Variants in SDC2 observed in about 807,000 individuals in gnomAD.
SDC2 encodes syndecan 2.
Under a neutral mutation model 22.2 loss-of-function variants are expected in SDC2, and 13 were observed. The observed-to-expected ratio is 0.59, with a 90% CI of 0.38 to 0.93. The LOEUF is 0.93. Ranked by LOEUF, SDC2 falls within the 40% of genes least tolerant of loss-of-function variation. SDC2 has a pLI of 0.00. For missense variants in SDC2, 235 were observed against 246.8 expected, an observed-to-expected ratio of 0.95 and a Z score of 0.32; for synonymous variants, 94 against 92.8, an observed-to-expected ratio of 1.01 and a Z score of -0.07.
intron 1 of SDC2, among the ~76,000 whole-genome samples, chr8:96,519,731 G>T (rs896036248): frequency 8.6e-5 from 13 of 151,968 alleles, no homozygotes; most frequent in African/African-American, 2.9e-4. Flanking sequence ...CTCCTCCCGG[G>T]TTCAAGCGAT....
intron 1 of SDC2, among the ~76,000 whole-genome samples, chr8:96,526,166 A>G (rs541905388): frequency 1.3e-5 from 2 of 152,342 alleles, no homozygotes; most frequent in South Asian, 4.1e-4. Flanking sequence ...GGGCCTCCCC[A>G]AAGTGGCTTT....
Position 96,494,240 on chromosome 8 carries a change from C to A in SDC2, c.-32C>A. ...GGCTTCGTTTTGCCCTGGTTGCAAGCAGCGGCTGGGAGCAGCCGGTCCCTG... is the reference window on the plus strand; with the variant it reads ...GGCTTCGTTTTGCCCTGGTTGCAAGAAGCGGCTGGGAGCAGCCGGTCCCTG... On this transcript the variant is annotated 5_prime_UTR_variant, in exon 1 of 5. Coordinates refer to ENST00000302190, the MANE Select transcript of SDC2 (RefSeq NM_002998.4). 2 of 1,540,096 alleles carry A rather than the reference C, an allele frequency of 1.3e-6. No homozygotes were observed. Among genetic ancestry groups the A allele is most frequent in the Non-Finnish European group, 8.7e-7 (1 of 1,145,856 alleles).
At chr8:96,532,729 TAG>T (rs937758528) in intron 1 of SDC2, among the ~76,000 whole-genome samples, 6 of 152,084 alleles carry the variant, frequency 3.9e-5, no homozygotes, top group African/African-American at 1.4e-4. Flanking sequence ...GTGCAGCCCC[TAG>T]CCCGCACTTA....
rs563451451 is a variant in SDC2 at position 96,609,738 on chromosome 8, T to C, written c.*190T>C. 2 of 424,524 alleles carry C rather than the reference T, an allele frequency of 4.7e-6. No individual in the cohort carries two copies. Among genetic ancestry groups the C allele is most frequent in the East Asian group, 7.2e-5 (2 of 27,856 alleles). 26.3% of individuals were successfully genotyped at this position (424,524 alleles called of 1,614,324 possible). On this transcript the variant is annotated 3_prime_UTR_variant, in exon 5 of 5. Coordinates refer to ENST00000302190, the MANE Select transcript of SDC2 (RefSeq NM_002998.4). ...AACAACATAAAATTAAAATTTAACA[T>C]CTGCAGTGTTCTGTGAATAGCAGTG...
intron 1 of SDC2, among the ~76,000 whole-genome samples, chr8:96,538,021 A>G (rs200866565): frequency 4.6e-5 from 7 of 151,472 alleles, no homozygotes; most frequent in Non-Finnish European, 8.8e-5. Context: ...GGAGTGCAGT[A>G]GTGCAATCTC....
chr8:96,580,787 C>G (rs558907092), intron 1 of SDC2, among the ~76,000 whole-genome samples: 1 of 152,138 alleles, frequency 6.6e-6, no homozygotes, highest in South Asian at 2.1e-4. Context: ...TTGCCATTGG[C>G]TACTTTACAG....
chr8:96,501,228 C>T (rs1300273625), intron 1 of SDC2, among the ~76,000 whole-genome samples: 1 of 145,028 alleles, frequency 6.9e-6, no homozygotes, highest in African/African-American at 2.6e-5. Flanking sequence ...ATAAGAATGA[C>T]ACACGGGACA....
At chr8:96,558,556 A>G (rs1814157701) in intron 1 of SDC2, among the ~76,000 whole-genome samples, 1 of 152,148 alleles carries the variant, frequency 6.6e-6, no homozygotes, top group Non-Finnish European at 1.5e-5. Context: ...AAATGAATGG[A>G]TGTGATTTTT....
At chr8:96,588,952 TCAAA>T (rs1442425387) in intron 1 of SDC2, among the ~76,000 whole-genome samples, 1 of 152,196 alleles carries the variant, frequency 6.6e-6, no homozygotes, top group Non-Finnish European at 1.5e-5. Flanking sequence ...ATGAGAAAAA[TCAAA>T]CAAATAGATT....
chr8:96,565,097 T>TTTTTTTTTTTTTTTG (rs1329448270), intron 1 of SDC2, among the ~76,000 whole-genome samples: 6 of 128,670 alleles, frequency 4.7e-5, no homozygotes, highest in African/African-American at 1.9e-4. Context: ...TTTTTTTTTT[T>TTTTTTTTTTTTTTTG]TTGTTGAGAT....
chr8:96,577,379 G>A (rs1479285891), intron 1 of SDC2, among the ~76,000 whole-genome samples: 3 of 152,156 alleles, frequency 2.0e-5, no homozygotes, highest in South Asian at 2.1e-4. Flanking sequence ...GGCCTCAGGA[G>A]TTCTCCAGGT....
chr8:96,542,393 C>T (rs1388268213), intron 1 of SDC2, among the ~76,000 whole-genome samples: 1 of 152,104 alleles, frequency 6.6e-6, no homozygotes, highest in Non-Finnish European at 1.5e-5. Flanking sequence ...CACAGTAAAC[C>T]ATAATGAATG....
In SDC2 at chr8:96,493,990, G is replaced by C. The variant is rs1407868793; in HGVS notation, c.-282G>C. The stretch of plus-strand genomic sequence containing the variant: ...CCACAGCAGAGCAAGAAGAGCTTCA[G>C]AGAGCAGCCTTCCCGGAGCACCAAC... On this transcript the variant is annotated 5_prime_UTR_variant, in exon 1 of 5. Coordinates refer to ENST00000302190, the MANE Select transcript of SDC2 (RefSeq NM_002998.4). 3 of 510,474 alleles carry C rather than the reference G, an allele frequency of 5.9e-6. No individual in the cohort carries two copies. Among genetic ancestry groups the C allele is most frequent in the Non-Finnish European group, 1.0e-5 (3 of 293,088 alleles). 31.6% of individuals were successfully genotyped at this position (510,474 alleles called of 1,614,324 possible).
intron 1 of SDC2, among the ~76,000 whole-genome samples, chr8:96,529,447 C>G (rs566945653): frequency 3.3e-5 from 5 of 152,320 alleles, no homozygotes; most frequent in South Asian, 2.1e-4. Context: ...AAATCCCAAC[C>G]TGTACCCATT....
intron 2 of SDC2, among the ~76,000 whole-genome samples, chr8:96,595,627 A>T (rs530302907): frequency 6.6e-6 from 1 of 152,232 alleles, no homozygotes; most frequent in African/African-American, 2.4e-5. Flanking sequence ...AAGAGTTGTT[A>T]GTGGGGTGTA....
In SDC2 at chr8:96,586,035, C is replaced by T. The variant is rs185005182; in HGVS notation, c.61-7445C>T. The stretch of plus-strand genomic sequence containing the variant: ...AGAGGAGAATTTCTGCAGTTAAGTA[C>T]CCTAACTTGGTGTTACTTTTTAACA... On this transcript the variant is annotated intron_variant, in intron 1 of 4. Transcript: ENST00000302190. Among the ~76,000 whole-genome samples the T allele has an allele frequency of 4.2e-3, 636 of 152,180 alleles. 2 individuals carry two copies. Among genetic ancestry groups the T allele is most frequent in the African/African-American group, 0.014 (578 of 41,510 alleles).
At position 96,494,288 on chromosome 8, in the gene SDC2, T is replaced by C. The variant is rs776606235; in HGVS notation, c.17T>C (p.Ile6Thr). ...CTGGGGAATATGCGGCGCGCGTGGATCCTGCTCACCTTGGGCTTGGTGGCC... is the reference window on the plus strand; with the variant it reads ...CTGGGGAATATGCGGCGCGCGTGGACCCTGCTCACCTTGGGCTTGGTGGCC... MRRAWILLTLGLVACV... is the reference protein window; with the variant it reads MRRAWTLLTLGLVACV... Residue 6 changes from isoleucine to threonine, a missense_variant, in exon 1 of 5, where the codon ATC becomes ACC. Physicochemically the swap from Ile to Thr is moderately conservative, Grantham distance 89. Transcript: ENST00000302190. 9 of 1,547,138 alleles carry C rather than the reference T, an allele frequency of 5.8e-6. No homozygotes were observed. Among genetic ancestry groups the C allele is most frequent in the South Asian group, 2.4e-5 (2 of 84,236 alleles).
rs1554601718 is a variant in SDC2, at chr8:96,540,340, G to GTATATATA, written c.60+46018_60+46025dup. Among the ~76,000 whole-genome samples, 346 of 123,684 alleles carry GTATATATA rather than the reference G, an allele frequency of 2.8e-3. 10 individuals carry two copies. The East Asian group carries it at 0.09, about 32-fold the overall frequency. 81.1% of individuals were successfully genotyped at this position (123,684 alleles called of 152,430 possible). A position where few individuals can be genotyped will look rare whatever the true frequency, so the allele number is the denominator to read the frequency against. Reference sequence around the variant, plus strand: ...AACCCTGTCTCTACTATATATATGTGTATATATATATATATAAAAATTAGT... The same window carrying GTATATATA: ...AACCCTGTCTCTACTATATATATGTGTATATATATATATATATATATATAAAAATTAGT... On this transcript the variant is annotated intron_variant, in intron 1 of 4. Transcript: ENST00000302190.
intron 1 of SDC2, among the ~76,000 whole-genome samples, chr8:96,496,435 T>TA (rs1813076335): frequency 6.6e-6 from 1 of 152,214 alleles, no homozygotes; most frequent in African/African-American, 2.4e-5. Flanking sequence ...AATGTCAACT[T>TA]AGAGACTAGC....
Sources: allele counts gnomAD v4.1 joint callset (sites outside exome capture counted in the v4.1 genomes callset), GRCh38; gene constraint gnomAD v4.1.1; transcripts MANE v1.5; gene names NCBI Gene and HGNC (gene_info 2026-07-23, HGNC 2026-07-21).